PDE9A: variants seen among roughly 807,000 people sequenced by gnomAD.
PDE9A encodes the protein high affinity cGMP-specific 3',5'-cyclic phosphodiesterase 9A.
Under a neutral mutation model 87.4 loss-of-function variants are expected in PDE9A, and 60 were observed. The ratio of observed to expected loss-of-function variants is 0.69; its 90% CI spans 0.56 to 0.85. PDE9A has a LOEUF of 0.85. Among genes scored for constraint, PDE9A ranks in the 40% least tolerant of loss-of-function variants. PDE9A has a pLI of 0.00. For missense variants in PDE9A, 665 were observed against 779.0 expected, an observed-to-expected ratio of 0.85 and a Z score of 1.74; for synonymous variants, 272 against 279.4, an observed-to-expected ratio of 0.97 and a Z score of 0.27.
intron 4 of PDE9A, among the ~76,000 whole-genome samples, chr21:42,712,971 G>C (rs2049484522): frequency 1.3e-5 from 2 of 152,030 alleles, no homozygotes; most frequent in African/African-American, 4.8e-5. Flanking sequence ...GCTTTCCTAG[G>C]GTAAATGCAC....
chr21:42,770,932 T>C, intron 18 of PDE9A, 134 bp downstream of exon 18: 2 of 638,594 alleles, frequency 3.1e-6, no homozygotes, highest in Non-Finnish European at 5.6e-6. Context: ...CACGTGTACC[T>C]TCCATCAGAA....
intron 4 of PDE9A, among the ~76,000 whole-genome samples, chr21:42,716,747 C>CTTTTTTTTTTTTTTTT (rs60104683): frequency 1.1e-5 from 1 of 94,256 alleles, no homozygotes; most frequent in Non-Finnish European, 1.9e-5. Flanking sequence ...TTATAATTTC[C>CTTTTTTTTTTTTTTTT]TTTTTTTTTT....
chr21:42,762,474 A>G lies in PDE9A; in HGVS notation c.1242+235A>G, dbSNP rs1258460808. Among the ~76,000 whole-genome samples the G allele has an allele frequency of 2.6e-5, 4 of 152,212 alleles. No individual in the cohort carries two copies. In the East Asian group the frequency reaches 7.7e-4, roughly 29 times the overall value. ...CACTGACCTGCACTTCCCAGCCTGT[A>G]TTTAATTCAGCCTTCACTGGCTCCC... On this transcript the variant is annotated intron_variant, in intron 14 of 19. Coordinates refer to ENST00000291539, the MANE Select transcript of PDE9A (RefSeq NM_002606.3).
At chr21:42,731,327 A>C (rs900676174) in intron 4 of PDE9A, among the ~76,000 whole-genome samples, 30 of 151,588 alleles carry the variant, frequency 2.0e-4, no homozygotes, top group African/African-American at 7.3e-4. Flanking sequence ...AGATGACGTA[A>C]ACTTATGACT....
At chr21:42,668,728 C>T (rs543458796) in intron 1 of PDE9A, among the ~76,000 whole-genome samples, 5 of 152,218 alleles carry the variant, frequency 3.3e-5, no homozygotes, top group Non-Finnish European at 7.3e-5. Flanking sequence ...GCCCGGGATC[C>T]GCGCAGATGC....
At chr21:42,751,288 G>C (rs2054394031) in intron 9 of PDE9A, 91 bp downstream of exon 9, 1 of 921,276 alleles carries the variant, frequency 1.1e-6, no homozygotes, top group Non-Finnish European at 1.8e-6. Flanking sequence ...CCTGCTGTGT[G>C]TACGTTCACA....
chr21:42,669,156 CG>C (rs2058240003), intron 1 of PDE9A, among the ~76,000 whole-genome samples: 2 of 152,172 alleles, frequency 1.3e-5, no homozygotes, highest in South Asian at 4.1e-4. Flanking sequence ...ACAACAGAAA[CG>C]GATTATCTCG....
chr21:42,768,175 T>C lies in PDE9A; in HGVS notation c.1357-13T>C, dbSNP rs1172537067. ...ACCTCCTGTTACCTCAATTCCAAAA[T>C]CTCTTCTTTCAGCTGAAGATGATTT... On this transcript the variant is annotated splice_polypyrimidine_tract_variant and intron_variant, in intron 15 of 19. Transcript: ENST00000291539. 5 of 1,548,676 alleles carry C rather than the reference T, an allele frequency of 3.2e-6. No homozygotes were observed. Among genetic ancestry groups the C allele is most frequent in the Non-Finnish European group, 4.5e-6 (5 of 1,120,346 alleles).
At chr21:42,725,153 CTTTAA>C (rs1166666866) in intron 4 of PDE9A, among the ~76,000 whole-genome samples, 1 of 152,194 alleles carries the variant, frequency 6.6e-6, no homozygotes. Context: ...ACCTGCCGCT[CTTTAA>C]TAGCCACGCT....
intron 3 of PDE9A, among the ~76,000 whole-genome samples, chr21:42,693,443 C>T (rs538605489): frequency 5.9e-5 from 9 of 151,822 alleles, no homozygotes; most frequent in Admixed American, 1.3e-4. Flanking sequence ...GGACTACAGG[C>T]GCCCGCCACC....
At chr21:42,765,876 C>T (rs963323968) in intron 15 of PDE9A, among the ~76,000 whole-genome samples, 5 of 152,230 alleles carry the variant, frequency 3.3e-5, no homozygotes, top group African/African-American at 1.2e-4. Flanking sequence ...ACAGCTCCCG[C>T]TCCCCAAGCC....
At chr21:42,768,962 A>G in intron 16 of PDE9A, 65 bp from the exon 17 acceptor site, 1 of 1,534,104 alleles carries the variant, frequency 6.5e-7, no homozygotes, top group Non-Finnish European at 8.8e-7. Flanking sequence ...TCTTTCTCTG[A>G]GAACAGCGAT....
chr21:42,753,988 A>G lies in PDE9A; in HGVS notation c.736-2A>G. The G allele has an allele frequency of 1.9e-6, 3 of 1,606,488 alleles. No individual in the cohort carries two copies. Among genetic ancestry groups the G allele is most frequent in the Non-Finnish European group, 2.6e-6 (3 of 1,173,702 alleles). On this transcript the variant is annotated splice_acceptor_variant, in intron 9 of 19. Transcript: ENST00000291539. LOFTEE classifies it high-confidence loss of function. The stretch of plus-strand genomic sequence containing the variant: ...TTAACACGGAACTCCTGTCCTTTCT[A>G]GTACCTGCTCTCTCCAGAGACCATC...
chr21:42,659,925 T>C lies in PDE9A; in HGVS notation c.69+6042T>C, dbSNP rs987643135. 3.9e-5 allele frequency among the ~76,000 whole-genome samples: 6 copies of C among 152,074 alleles called. No homozygotes were observed. Among genetic ancestry groups the C allele is most frequent in the African/African-American group, 7.2e-5 (3 of 41,414 alleles). On this transcript the variant is annotated intron_variant, in intron 1 of 19. Transcript: ENST00000291539. The surrounding 1 kb of genome is among the most constrained non-coding windows in gnomAD (Gnocchi z 4.1). ...GTCAGACGCCTCAGATGAACTGACA[T>C]GCAAATGAGAGATGAAACGGGGACG...
At chr21:42,706,510 T>C (rs2048846524) in intron 4 of PDE9A, among the ~76,000 whole-genome samples, 1 of 151,990 alleles carries the variant, frequency 6.6e-6, no homozygotes, top group Non-Finnish European at 1.5e-5. Flanking sequence ...CCGGGTGTGG[T>C]GGTGCACATC....
rs187234344 is a variant in PDE9A, at chr21:42,708,748, G to T, written c.262+9737G>T. 1.3e-3 allele frequency among the ~76,000 whole-genome samples: 196 copies of T among 152,140 alleles called. 1 individual carries two copies. Among genetic ancestry groups the T allele is most frequent in the Non-Finnish European group, 2.3e-3 (154 of 68,014 alleles). Reference sequence around the variant, plus strand: ...TTTTTGTATTTTTAGTAGAGACAAGGTTTCACCATGTTGGCCAGGCTGATC... The same window carrying T: ...TTTTTGTATTTTTAGTAGAGACAAGTTTTCACCATGTTGGCCAGGCTGATC... On this transcript the variant is annotated intron_variant, in intron 4 of 19. Coordinates refer to ENST00000291539, the MANE Select transcript of PDE9A (RefSeq NM_002606.3).
chr21:42,685,978 CTCTT>C (rs2059440292), intron 1 of PDE9A, among the ~76,000 whole-genome samples: 1 of 152,328 alleles, frequency 6.6e-6, no homozygotes, highest in South Asian at 2.1e-4. Flanking sequence ...TTTTTCACAA[CTCTT>C]TCCACTGAAC....
In PDE9A at chr21:42,743,977, T is replaced by G. The variant is rs2053584467; in HGVS notation, c.653+117T>G. ...GAAAGGCTGGTGCAGTTCGGTACAGTTCAGGCTTGGGAGAGTGCAGTCTGG... is the reference window on the plus strand; with the variant it reads ...GAAAGGCTGGTGCAGTTCGGTACAGGTCAGGCTTGGGAGAGTGCAGTCTGG... On this transcript the variant is annotated intron_variant, in intron 8 of 19. Transcript: ENST00000291539. 5 of 677,214 alleles carry G rather than the reference T, an allele frequency of 7.4e-6. No homozygotes were observed. The Admixed American group carries it at 1.2e-4, about 16-fold the overall frequency. 42.0% of individuals were successfully genotyped at this position (677,214 alleles called of 1,614,324 possible).
rs550412003 is a variant in PDE9A, at chr21:42,696,496, G to A, written c.219-2472G>A. ...AGGAGTGGGGAGCCAGGGTGGCAAA[G>A]CCCCTTCCTGCTGCCCACGCAGGTC... On this transcript the variant is annotated intron_variant, in intron 3 of 19. Transcript: ENST00000291539. This position sits in a 1 kb window ranked among gnomAD's most constrained non-coding sequence, Gnocchi z 5.1. Among the ~76,000 whole-genome samples, 18 of 152,346 alleles carry A rather than the reference G, an allele frequency of 1.2e-4. No homozygotes were observed. The East Asian group carries it at 3.5e-3, about 29-fold the overall frequency.
Sources: allele counts gnomAD v4.1 joint callset (sites outside exome capture counted in the v4.1 genomes callset), GRCh38; gene constraint gnomAD v4.1.1; non-coding constraint Gnocchi (gnomAD v3.1); transcripts MANE v1.5; gene names NCBI Gene and HGNC (gene_info 2026-07-23, HGNC 2026-07-21).